Variants in AOX1 observed in about 807,000 individuals in gnomAD.
The protein encoded by AOX1 is aldehyde oxidase.
In AOX1, 153 loss-of-function variants were observed where a neutral mutation model predicts 169.5. The observed-to-expected ratio is 0.90, with a 90% CI of 0.79 to 1.03. AOX1 has a LOEUF of 1.03. Among genes scored for constraint, AOX1 ranks in the 50% least tolerant of loss-of-function variants. The pLI is 0.00. For synonymous variants in AOX1, 562 were observed against 581.9 expected, an observed-to-expected ratio of 0.97 and a Z score of 0.49; for missense variants, 1,656 against 1,663.9, an observed-to-expected ratio of 1.00 and a Z score of 0.08.
chr2:200,652,118 T>A (rs2035591590), intron 26 of AOX1, among the ~76,000 whole-genome samples: 1 of 152,066 alleles, frequency 6.6e-6, no homozygotes, highest in South Asian at 2.1e-4. Context: ...GGCGTTAGTG[T>A]GGATGTTGTG....
At chr2:200,669,507 T>G in intron 33 of AOX1, 68 bp from the exon 34 acceptor site, 1 of 1,495,382 alleles carries the variant, frequency 6.7e-7, no homozygotes, top group South Asian at 1.2e-5. Flanking sequence ...GCACATATGC[T>G]ATAAATATGC....
rs2034582380 is a variant in AOX1, at chr2:200,609,343, G to A, written c.1082G>A (p.Ser361Asn). The change falls in exon 12 of 35, where the codon AGC becomes AAC. Residue 361 changes from serine to asparagine, a missense_variant. By Grantham distance (46) the Ser-to-Asn change is conservative. Coordinates refer to ENST00000374700, the MANE Select transcript of AOX1 (RefSeq NM_001159.4). ...NMASLGGHII[S>N]RHPDSDLNPI... ...AAGTCTTTAGGGGGACACATCATTA[G>A]CAGGCATCCAGATTCAGATCTGAAT... is the stretch of plus-strand genomic sequence containing the variant. 1 of 1,613,978 alleles carries A rather than the reference G, an allele frequency of 6.2e-7. No individual in the cohort carries two copies. The highest frequency in any genetic ancestry group is 1.1e-5 in the South Asian group (1 of 91,060).
At chr2:200,613,688 C>A (rs1221324129) in intron 14 of AOX1, 116 bp from the exon 15 acceptor site, 4 of 1,058,236 alleles carry the variant, frequency 3.8e-6, no homozygotes, top group South Asian at 2.3e-5. Context: ...CTGCCTGATC[C>A]AGAGCTTGTA....
At chr2:200,635,873 G>A (rs186522153) in intron 21 of AOX1, among the ~76,000 whole-genome samples, 3 of 152,148 alleles carry the variant, frequency 2.0e-5, no homozygotes, top group East Asian at 3.9e-4. Flanking sequence ...GGAGAATGAG[G>A]CCTCGTAAAA....
At chr2:200,647,433 T>C (rs75881783) in intron 25 of AOX1, among the ~76,000 whole-genome samples, 18,693 of 152,270 alleles carry the variant, frequency 0.12, 1,309 homozygotes, top group Non-Finnish European at 0.16. Flanking sequence ...TTCTAGCTTG[T>C]AGGGTTTCTG....
rs1344091590 is a variant in AOX1 at position 200,599,575 on chromosome 2, G to A, written c.310-45G>A. ...GCAGGCTCTAATTCATTAGGCCTGG[G>A]ATGGGGCCCCAAATTCTGCATTTCT... is the stretch of plus-strand genomic sequence containing the variant. On this transcript the variant is annotated intron_variant, in intron 4 of 34. Transcript: ENST00000374700. 5 of 1,551,952 alleles carry A rather than the reference G, an allele frequency of 3.2e-6. No individual in the cohort carries two copies. The South Asian group carries it at 5.9e-5, about 18-fold the overall frequency.
chr2:200,641,296 C>A, intron 24 of AOX1, 112 bp downstream of exon 24: 1 of 747,468 alleles, frequency 1.3e-6, no homozygotes, highest in Non-Finnish European at 2.2e-6. Context: ...GGTATAATGA[C>A]CATCCTTGCA....
At position 200,668,298 on chromosome 2, in the gene AOX1, G is replaced by A. The variant is rs145012090; in HGVS notation, c.3610-317G>A. On this transcript the variant is annotated intron_variant, in intron 32 of 34. Coordinates refer to ENST00000374700, the MANE Select transcript of AOX1 (RefSeq NM_001159.4). ...TTTTTTTTGTATTTTTAGTAGAGAC[G>A]GGATTTCTCTATGTTAGTCAGGCTG... Among the ~76,000 whole-genome samples the A allele has an allele frequency of 7.9e-3, 1,198 of 151,846 alleles. 14 individuals are homozygous for A. Among genetic ancestry groups the A allele is most frequent in the Non-Finnish European group, 0.013 (870 of 67,928 alleles).
chr2:200,621,000 C>T (rs930188202), intron 17 of AOX1, 120 bp from the exon 18 acceptor site: 3 of 1,377,594 alleles, frequency 2.2e-6, no homozygotes, highest in Non-Finnish European at 3.0e-6. Flanking sequence ...AGAATTTTTT[C>T]CCAATTGTCT....
intron 31 of AOX1, among the ~76,000 whole-genome samples, chr2:200,663,672 G>A (rs548701527): frequency 6.6e-6 from 1 of 151,772 alleles, no homozygotes; most frequent in East Asian, 1.9e-4. Context: ...GGGAGTAAAA[G>A]AAGCCACTTA....
At chr2:200,601,664 G>T (rs2034416427) in intron 5 of AOX1, among the ~76,000 whole-genome samples, 1 of 152,144 alleles carries the variant, frequency 6.6e-6, no homozygotes, top group African/African-American at 2.4e-5. Context: ...GAACACAGTG[G>T]CTCACGCCTG....
At chr2:200,641,937 G>A (rs1289286774) in intron 24 of AOX1, among the ~76,000 whole-genome samples, 2 of 152,122 alleles carry the variant, frequency 1.3e-5, no homozygotes, top group Non-Finnish European at 2.9e-5. Flanking sequence ...GAGGCCAGGA[G>A]TTCAAGACCA....
intron 20 of AOX1, among the ~76,000 whole-genome samples, chr2:200,631,887 A>T (rs1020321300): frequency 6.6e-6 from 1 of 152,212 alleles, no homozygotes; most frequent in Non-Finnish European, 1.5e-5. Flanking sequence ...ATAAGAGCTT[A>T]AATTGAAGTT....
At chr2:200,642,119 A>G (rs2035364202) in intron 24 of AOX1, among the ~76,000 whole-genome samples, 1 of 152,086 alleles carries the variant, frequency 6.6e-6, no homozygotes, top group African/African-American at 2.4e-5. Flanking sequence ...ACAAAAGTGA[A>G]ACTCTGTCTA....
At chr2:200,603,851 G>A (rs2034461735) in intron 7 of AOX1, among the ~76,000 whole-genome samples, 166 bp from the exon 8 acceptor site, 1 of 152,202 alleles carries the variant, frequency 6.6e-6, no homozygotes, top group Non-Finnish European at 1.5e-5. Context: ...CTGATGACAA[G>A]GTTTGTGTTA....
At chr2:200,645,435 G>A (rs1473093280) in intron 25 of AOX1, among the ~76,000 whole-genome samples, 2 of 152,096 alleles carry the variant, frequency 1.3e-5, no homozygotes. Context: ...GATAATGGTG[G>A]ATTATGTTTT....
chr2:200,655,476 A>G (rs903195906), intron 26 of AOX1, among the ~76,000 whole-genome samples: 1 of 152,082 alleles, frequency 6.6e-6, no homozygotes, highest in Non-Finnish European at 1.5e-5. Flanking sequence ...AAAACACTCT[A>G]TTACATCTTC....
intron 1 of AOX1, among the ~76,000 whole-genome samples, chr2:200,592,480 G>A (rs1474195970): frequency 1.3e-5 from 2 of 152,140 alleles, no homozygotes; most frequent in East Asian, 1.9e-4. Flanking sequence ...GATCACTTTG[G>A]AAAACATAAC....
intron 31 of AOX1, among the ~76,000 whole-genome samples, chr2:200,663,566 A>T (rs1202192519): frequency 7.9e-5 from 10 of 127,182 alleles, no homozygotes; most frequent in Non-Finnish European, 1.7e-4. Context: ...ACACACACAC[A>T]CACACACTCT....
Sources: gnomAD v4.1 joint callset for allele counts (sites outside exome capture counted in the v4.1 genomes callset) on GRCh38, gnomAD v4.1.1 for gene constraint, MANE v1.5 for transcripts, NCBI Gene and HGNC (gene_info 2026-07-23, HGNC 2026-07-21) for gene names.